The following PSEN1 variants were observed in gnomAD, a reference collection of about 807,000 sequenced individuals.
PSEN1 encodes the protein presenilin 1, also known as presenilin-1.
Under a neutral mutation model 53.5 loss-of-function variants are expected in PSEN1, and 15 were observed. The observed-to-expected ratio is 0.28, with a 90% CI of 0.19 to 0.43. The LOEUF (loss-of-function observed/expected upper bound fraction) is 0.43. Ranked by LOEUF, PSEN1 falls within the 20% of genes least tolerant of loss-of-function variation. The pLI, the probability that PSEN1 is intolerant of heterozygous loss-of-function variation, is 1.00. For synonymous variants in PSEN1, 208 were observed against 209.8 expected (o/e 0.99, Z 0.08); for missense variants, 387 against 571.2 (o/e 0.68, Z 3.29).
At chr14:73,189,845 C>A in intron 6 of PSEN1, 1 of 246,938 alleles carries the variant, frequency 4.0e-6, no homozygotes. Flanking sequence ...AGGCTGCTGA[C>A]TGCCTTCCAA....
Position 73,148,028 on chromosome 14 carries a change from GT to G in PSEN1, c.11del (p.Leu4TyrfsTer19). On this transcript the variant is annotated frameshift_variant, in exon 3 of 12. Coordinates refer to ENST00000324501, the MANE Select transcript of PSEN1 (RefSeq NM_000021.4). LOFTEE classifies it high-confidence loss of function. MTELPAPLSYFQNA... is the reference protein window; with the variant it reads MTEXPAPLSYFQNA... ...TCTATACAGTTGCTCCAATGACAGA[GT>G]TACCTGCACCGTTGTCCTACTTCCA... The G allele has an allele frequency of 6.2e-7, 1 of 1,613,394 alleles. No individual in the cohort carries two copies. Among genetic ancestry groups the G allele is most frequent in the Non-Finnish European group, 8.5e-7 (1 of 1,179,344 alleles).
chr14:73,158,006 G>A (rs1897411865), intron 3 of PSEN1, among the ~76,000 whole-genome samples: 2 of 151,834 alleles, frequency 1.3e-5, no homozygotes, highest in Admixed American at 6.6e-5. Flanking sequence ...AAAACATACA[G>A]ACTCTTGTCT....
At chr14:73,137,665 G>C (rs541503488) in intron 1 of PSEN1, among the ~76,000 whole-genome samples, 23 of 152,172 alleles carry the variant, frequency 1.5e-4, no homozygotes, top group Non-Finnish European at 2.6e-4. Context: ...CCACCACAGC[G>C]CAGGGTCGCC....
At chr14:73,200,334 A>G (rs1594744519) in intron 8 of PSEN1, among the ~76,000 whole-genome samples, 1 of 152,052 alleles carries the variant, frequency 6.6e-6, no homozygotes, top group Non-Finnish European at 1.5e-5. Flanking sequence ...CAGTGGCGCA[A>G]TCTCAACTCA....
intron 8 of PSEN1, among the ~76,000 whole-genome samples, chr14:73,199,408 A>T (rs1300099586): frequency 1.3e-5 from 2 of 152,214 alleles, no homozygotes. Flanking sequence ...AAAATTGGGC[A>T]AGCCAGTATT....
intron 3 of PSEN1, among the ~76,000 whole-genome samples, chr14:73,151,072 A>G (rs1423119203): frequency 6.6e-6 from 1 of 152,150 alleles, no homozygotes; most frequent in Admixed American, 6.5e-5. Flanking sequence ...CATCTAAAAA[A>G]AAAAACAAAA....
chr14:73,215,535 A>G (rs1478449176), intron 10 of PSEN1, among the ~76,000 whole-genome samples: 1 of 149,664 alleles, frequency 6.7e-6, no homozygotes, highest in Admixed American at 6.6e-5. Context: ...GTGAGCCGAG[A>G]TCACTTAAAA....
chr14:73,154,598 C>G (rs1301259672), intron 3 of PSEN1, among the ~76,000 whole-genome samples: 1 of 151,484 alleles, frequency 6.6e-6, no homozygotes, highest in Non-Finnish European at 1.5e-5. Context: ...GAGACCCTGC[C>G]TCAAAAAAAG....
At chr14:73,195,716 C>T (rs376549150) in intron 7 of PSEN1, among the ~76,000 whole-genome samples, 2 of 152,020 alleles carry the variant, frequency 1.3e-5, no homozygotes, top group African/African-American at 2.4e-5. Context: ...CTCAGCCTCC[C>T]GAGTAGATAA....
At chr14:73,203,225 C>T (rs545121002) in intron 8 of PSEN1, among the ~76,000 whole-genome samples, 1 of 151,992 alleles carries the variant, frequency 6.6e-6, no homozygotes, top group African/African-American at 2.4e-5. Flanking sequence ...ATTACAGACG[C>T]CTGCCACCAC....
At chr14:73,139,704 T>C (rs1896862995) in intron 1 of PSEN1, among the ~76,000 whole-genome samples, 1 of 152,272 alleles carries the variant, frequency 6.6e-6, no homozygotes, top group Non-Finnish European at 1.5e-5. Context: ...TTACTTGTTT[T>C]GCCCTCTAGA....
chr14:73,151,158 C>T (rs1566619020), intron 3 of PSEN1, among the ~76,000 whole-genome samples: 1 of 152,130 alleles, frequency 6.6e-6, no homozygotes, highest in Non-Finnish European at 1.5e-5. Flanking sequence ...GCAAAAGAGA[C>T]ATTCCTATGT....
chr14:73,176,847 A>T (rs1898060675), intron 5 of PSEN1, among the ~76,000 whole-genome samples: 1 of 152,204 alleles, frequency 6.6e-6, no homozygotes, highest in South Asian at 2.1e-4. Context: ...TTGAGTCCAG[A>T]GTTTGGCCTG....
Position 73,187,169 on chromosome 14 carries a change from A to G in PSEN1, c.548+249A>G, listed in dbSNP as rs193206415. ...CAGTTAATTCTAAGCCTTTTTGAAG[A>G]TTATATAGTCTTCTAGTAGAAGTCT... On this transcript the variant is annotated intron_variant, in intron 6 of 11. Coordinates refer to ENST00000324501, the MANE Select transcript of PSEN1 (RefSeq NM_000021.4). 1.5e-3 allele frequency among the ~76,000 whole-genome samples: 227 copies of G among 152,358 alleles called. No homozygotes were observed. Among genetic ancestry groups the G allele is most frequent in the Non-Finnish European group, 2.1e-3 (140 of 68,036 alleles).
chr14:73,171,456 G>A (rs1341790833), intron 4 of PSEN1, among the ~76,000 whole-genome samples: 1 of 152,104 alleles, frequency 6.6e-6, no homozygotes, highest in Non-Finnish European at 1.5e-5. Context: ...AGTAGCACTC[G>A]AATATAAAAT....
At position 73,220,773 on chromosome 14, in the gene PSEN1, A is replaced by G. The variant is rs147866042; in HGVS notation, c.*1484A>G. On this transcript the variant is annotated 3_prime_UTR_variant, in exon 12 of 12. Coordinates refer to ENST00000324501, the MANE Select transcript of PSEN1 (RefSeq NM_000021.4). The stretch of plus-strand genomic sequence containing the variant: ...AGTGGAGGTGCCTGCTGCAGTTACC[A>G]TGGAGTTCAGGCTCTGGGCAGCTCA... 6.6e-6 allele frequency: 1 copy of G among 152,148 alleles called. No individual in the cohort carries two copies. The highest frequency in any genetic ancestry group is 1.9e-4 in the East Asian group (1 of 5,190). The allele number at this position is 152,148 out of a possible 1,614,324, so 9.4% of individuals were successfully genotyped here.
At chr14:73,186,648 G>A (rs541967718) in intron 5 of PSEN1, among the ~76,000 whole-genome samples, 15 of 152,088 alleles carry the variant, frequency 9.9e-5, no homozygotes, top group Admixed American at 6.5e-4. Flanking sequence ...GTGGTGGCGC[G>A]CACGCGTGGT....
At position 73,222,341 on chromosome 14, in the gene PSEN1, C is replaced by G. The variant is rs1231517721; in HGVS notation, c.*3052C>G. 1.3e-5 allele frequency: 2 copies of G among 152,142 alleles called. No homozygotes were observed. The highest frequency in any genetic ancestry group is 2.9e-5 in the Non-Finnish European group (2 of 68,024). The allele number at this position is 152,142 out of a possible 1,614,324, so 9.4% of individuals were successfully genotyped here. A position where few individuals can be genotyped will look rare whatever the true frequency, so the allele number is the denominator to read the frequency against. On this transcript the variant is annotated 3_prime_UTR_variant, in exon 12 of 12. Coordinates refer to ENST00000324501, the MANE Select transcript of PSEN1 (RefSeq NM_000021.4). ...TGTAGTCTCTCTGCTTTTAAAAACC[C>G]TCCTTTTGCAATAGATGCCCAAACA...
chr14:73,144,319 C>T (rs563749233), intron 1 of PSEN1, among the ~76,000 whole-genome samples: 108 of 152,106 alleles, frequency 7.1e-4, no homozygotes, highest in Non-Finnish European at 1.2e-3. Context: ...GGATTACAGG[C>T]GTGAGCCACT....
Sources: allele counts gnomAD v4.1 joint callset (sites outside exome capture counted in the v4.1 genomes callset), GRCh38; gene constraint gnomAD v4.1.1; transcripts MANE v1.5; gene names NCBI Gene and HGNC (gene_info 2026-07-23, HGNC 2026-07-21).